AMPD1: variants seen among roughly 807,000 people sequenced by gnomAD.
The protein encoded by AMPD1 is adenosine monophosphate deaminase 1.
A neutral mutation model predicts 82.9 loss-of-function variants in AMPD1; 74 were observed. The ratio of observed to expected loss-of-function variants is 0.89; its 90% CI spans 0.74 to 1.08. The LOEUF (loss-of-function observed/expected upper bound fraction) is 1.08. AMPD1 is among the 50% of genes least tolerant of loss of function. AMPD1 has a pLI of 0.00. For synonymous variants in AMPD1, 333 were observed against 320.5 expected (o/e 1.04, Z -0.42); for missense variants, 881 against 924.5 (o/e 0.95, Z 0.61).
intron 13 of AMPD1, 35 bp from the exon 14 acceptor site, chr1:114,674,117 T>A: frequency 6.3e-7 from 1 of 1,585,958 alleles, no homozygotes; most frequent in Non-Finnish European, 8.6e-7. Context: ...TTTAAAGATG[T>A]TGAAAAAGGA....
Position 114,676,001 on chromosome 1 carries a change from T to C in AMPD1, c.1391A>G (p.Asp464Gly). The C allele has an allele frequency of 2.5e-6, 4 of 1,613,786 alleles. No homozygotes were observed. The highest frequency in any genetic ancestry group is 3.4e-6 in the Non-Finnish European group (4 of 1,179,974). Residue 464 changes from aspartate to glycine, a missense_variant and splice_region_variant, in exon 11 of 16, where the codon GAT becomes GGT. Asp to Gly is a moderately conservative substitution (Grantham distance 94, BLOSUM62 -1). This residue lies in a region of AMPD1 where 783 missense variants were observed against 786.4 expected (regional missense o/e 1.00). Coordinates refer to ENST00000520113, the MANE Select transcript of AMPD1 (RefSeq NM_000036.3). Reference protein sequence around the residue: ...TWMIQVPRIYDVFRSKNFLPH... With the variant: ...TWMIQVPRIYGVFRSKNFLPH... ...AAGGAAATTCTTGGAACGGAACACA[T>C]CACTAGAGGCAAGAATGAAGAGAAT...
rs1657958327 is a variant in AMPD1, at chr1:114,675,625, G to A, written c.1584C>T (p.Pro528=). The A allele has an allele frequency of 6.2e-7, 1 of 1,614,188 alleles. No homozygotes were observed. Among genetic ancestry groups the A allele is most frequent in the Non-Finnish European group, 8.5e-7 (1 of 1,180,026 alleles). Residue 528 remains proline, a synonymous_variant, in exon 12 of 16, where the codon CCC becomes CCT. Coordinates refer to ENST00000520113, the MANE Select transcript of AMPD1 (RefSeq NM_000036.3). The stretch of plus-strand genomic sequence containing the variant: ...TTTCCAATGTCCACTCCTGGGGCTT[G>A]GGACTCTTGGAGGAGAACATGTGGC... ...HSGHMFSSKS[P]KPQEWTLEKN...
At chr1:114,678,250 C>T in intron 8 of AMPD1, 83 bp downstream of exon 8, 1 of 1,547,562 alleles carries the variant, frequency 6.5e-7, no homozygotes, top group Non-Finnish European at 8.9e-7. Context: ...GTTAAGAGAC[C>T]TCTGAGAAGG....
chr1:114,688,415 A>G (rs780370142), intron 3 of AMPD1, 146 bp downstream of exon 3: 5 of 945,368 alleles, frequency 5.3e-6, no homozygotes, highest in African/African-American at 1.6e-5. Context: ...TTTGTGAGCC[A>G]CTGTGCCCAG....
intron 5 of AMPD1, among the ~76,000 whole-genome samples, chr1:114,681,610 A>G (rs1658161057): frequency 7.1e-6 from 1 of 141,562 alleles, no homozygotes; most frequent in African/African-American, 2.6e-5. Context: ...AAAAAAAAAA[A>G]GAGAAAAAGA....
At chr1:114,679,978 G>T (rs1658109506) in intron 6 of AMPD1, among the ~76,000 whole-genome samples, 3 of 152,206 alleles carry the variant, frequency 2.0e-5, no homozygotes, top group South Asian at 2.1e-4. Flanking sequence ...GGGGTCAGCA[G>T]ATTCGAGTGT....
chr1:114,682,336 T>G (rs1658181689), intron 5 of AMPD1, among the ~76,000 whole-genome samples: 1 of 152,198 alleles, frequency 6.6e-6, no homozygotes, highest in Non-Finnish European at 1.5e-5. Context: ...ATATTAATTT[T>G]GAAATCCTTA....
In AMPD1 at chr1:114,688,666, T is replaced by G. The variant is rs369957781; in HGVS notation, c.110A>C (p.Glu37Ala). Residue 37 changes from glutamate (E) to alanine (A), a missense_variant, in exon 3 of 16, where the codon GAG becomes GCG. By Grantham distance (107) the Glu-to-Ala change is moderately radical (BLOSUM62 -1). Transcript: ENST00000520113. The stretch of plus-strand genomic sequence containing the variant: ...CTCATCCACATCAAAGGGGGAAATC[T>G]CCTGACGACCTCCTTCATCTTTGAC... ...SEVKDEGGRQEISPFDVDEIC... is the reference protein window; with the variant it reads ...SEVKDEGGRQAISPFDVDEIC... 1.6e-5 allele frequency: 26 copies of G among 1,614,100 alleles called. No individual in the cohort carries two copies. The highest frequency in any genetic ancestry group is 1.6e-4 in the Middle Eastern group (1 of 6,084).
At chr1:114,674,530 A>T (rs1026756045) in intron 13 of AMPD1, among the ~76,000 whole-genome samples, 1 of 152,224 alleles carries the variant, frequency 6.6e-6, no homozygotes, top group Non-Finnish European at 1.5e-5. Context: ...AGAAGTCAGG[A>T]GATCTGCGTT....
chr1:114,673,597 G>T, intron 15 of AMPD1, 42 bp downstream of exon 15: 2 of 1,485,088 alleles, frequency 1.3e-6, no homozygotes, highest in South Asian at 1.1e-5. Flanking sequence ...CAAGTTAGCA[G>T]ACCCTATACT....
At chr1:114,674,637 C>G (rs1570836646) in intron 13 of AMPD1, 115 bp downstream of exon 13, 1 of 1,314,090 alleles carries the variant, frequency 7.6e-7, no homozygotes, top group Non-Finnish European at 1.1e-6. Context: ...ATCTTTTATG[C>G]TCTACTTGAT....
rs145328844 is a variant in AMPD1 at position 114,673,908 on chromosome 1, C to G, written c.1974+1G>C. 8 of 1,613,706 alleles carry G rather than the reference C, an allele frequency of 5.0e-6. No homozygotes were observed. Among genetic ancestry groups the G allele is most frequent in the African/African-American group, 1.3e-5 (1 of 74,968 alleles). On this transcript the variant is annotated splice_donor_variant, in intron 14 of 15. Coordinates refer to ENST00000520113, the MANE Select transcript of AMPD1 (RefSeq NM_000036.3). LOFTEE classifies it high-confidence loss of function. ...TTGTATTGCCCAAGTCCATACTATA[C>G]CTTGGTAAAGTGGAATTGCATTGGG...
chr1:114,681,148 T>C (rs1465556427), intron 5 of AMPD1, among the ~76,000 whole-genome samples: 2 of 152,154 alleles, frequency 1.3e-5, no homozygotes, highest in African/African-American at 2.4e-5. Context: ...GATAATAACA[T>C]AAGAATAAAA....
intron 10 of AMPD1, among the ~76,000 whole-genome samples, chr1:114,676,910 A>C (rs1445351582): frequency 6.6e-6 from 1 of 152,136 alleles, no homozygotes; most frequent in Non-Finnish European, 1.5e-5. Flanking sequence ...ATAAATACTC[A>C]TTGATTGTGG....
intron 4 of AMPD1, among the ~76,000 whole-genome samples, chr1:114,685,011 A>C: frequency 6.6e-6 from 1 of 151,582 alleles, no homozygotes; most frequent in East Asian, 1.9e-4. Context: ...CCCATTCCCA[A>C]CTCCTGGTTG....
chr1:114,694,206 ACT>A (rs1238868196), intron 1 of AMPD1, among the ~76,000 whole-genome samples: 2 of 151,984 alleles, frequency 1.3e-5, no homozygotes, highest in African/African-American at 4.8e-5. Context: ...ACAGAGCGAG[ACT>A]CTGTCTCTAA....
intron 12 of AMPD1, 66 bp downstream of exon 12, chr1:114,675,464 T>C (rs1041087419): frequency 1.8e-5 from 28 of 1,553,546 alleles, no homozygotes; most frequent in Non-Finnish European, 2.3e-5. Context: ...ACCACCTTAA[T>C]TGCCAATATA....
intron 5 of AMPD1, among the ~76,000 whole-genome samples, chr1:114,680,801 T>C (rs867437034): frequency 6.6e-6 from 1 of 152,054 alleles, no homozygotes; most frequent in Non-Finnish European, 1.5e-5. Flanking sequence ...ACCCCGTCTC[T>C]ACTACAAATA....
At chr1:114,677,847 T>G in intron 9 of AMPD1, 63 bp downstream of exon 9, 2 of 1,363,524 alleles carry the variant, frequency 1.5e-6, no homozygotes, top group East Asian at 3.9e-5. Context: ...CCTTCCTTCC[T>G]TCCTTCTTCC....
Sources: allele counts gnomAD v4.1 joint callset (sites outside exome capture counted in the v4.1 genomes callset), GRCh38; gene constraint gnomAD v4.1.1; regional missense constraint gnomAD v4.1.1; transcripts MANE v1.5; gene names NCBI Gene and HGNC (gene_info 2026-07-23, HGNC 2026-07-21).